The following CLCA4 variants were observed in gnomAD, a reference collection of about 807,000 sequenced individuals.
CLCA4 encodes the protein calcium-activated chloride channel regulator 4.
In CLCA4, 69 loss-of-function variants were observed where a neutral mutation model predicts 78.9. The observed-to-expected ratio is 0.87, with a 90% CI of 0.72 to 1.07. The LOEUF (loss-of-function observed/expected upper bound fraction) is 1.07. CLCA4 is among the 50% of genes least tolerant of loss of function. CLCA4 has a pLI of 0.00. For missense variants in CLCA4, 1,133 were observed against 1,095.8 expected (o/e 1.03, Z -0.48); for synonymous variants, 362 against 375.8 (o/e 0.96, Z 0.42).
chr1:86,547,188 C>A lies in CLCA4; in HGVS notation c.69C>A (p.Phe23Leu). ...LCLLHQSNTS[F>L]IKLNNNGFED... ...TGCTGCACCAGTCAAATACTTCCTT[C>A]ATTAAGCTGAATAATAATGGCTTTG... is the stretch of plus-strand genomic sequence containing the variant. Residue 23 changes from phenylalanine to leucine, a missense_variant, in exon 1 of 14, where the codon TTC (phenylalanine) becomes TTA (leucine). Physicochemically the swap from Phe to Leu is conservative, Grantham distance 22. Coordinates refer to ENST00000370563, the MANE Select transcript of CLCA4 (RefSeq NM_012128.4). The A allele has an allele frequency of 6.2e-7, 1 of 1,612,012 alleles. No homozygotes were observed. Among genetic ancestry groups the A allele is most frequent in the Non-Finnish European group, 8.5e-7 (1 of 1,179,240 alleles).
At chr1:86,556,602 A>T (rs1279656546) in intron 1 of CLCA4, among the ~76,000 whole-genome samples, 3 of 151,932 alleles carry the variant, frequency 2.0e-5, no homozygotes, top group African/African-American at 7.3e-5. Context: ...TTTTGTTGAG[A>T]ATTTTTGCAT....
rs1445039750 is a variant in CLCA4, at chr1:86,579,937, C to A, written c.2357-5C>A. ...TCTAAACTACATGTAACTTTTTTTT[C>A]TCAGTTCAACGTTATATCATAAGAA... On this transcript the variant is annotated splice_region_variant and splice_polypyrimidine_tract_variant and intron_variant, in intron 13 of 13. Coordinates refer to ENST00000370563, the MANE Select transcript of CLCA4 (RefSeq NM_012128.4). 2.0e-6 allele frequency: 3 copies of A among 1,537,556 alleles called. No homozygotes were observed. Among genetic ancestry groups the A allele is most frequent in the South Asian group, 2.4e-5 (2 of 81,658 alleles).
chr1:86,570,222 T>C (rs1191145561), intron 7 of CLCA4, among the ~76,000 whole-genome samples: 2 of 151,962 alleles, frequency 1.3e-5, no homozygotes, highest in South Asian at 2.1e-4. Context: ...CTTCACTCCA[T>C]GCCAAAGAAA....
rs1412022019 is a variant in CLCA4 at position 86,579,988 on chromosome 1, A to G, written c.2403A>G (p.Arg801=). Residue 801 remains arginine, a synonymous_variant, in exon 14 of 14, where the codon AGA becomes AGG. Transcript: ENST00000370563. ...TAAGTGCAAGTATTCTTGATCTAAG[A>G]GACAGTTTTGATGATGCTCTTCAAG... is the stretch of plus-strand genomic sequence containing the variant. ...IRISASILDL[R]DSFDDALQVN... 1.3e-5 allele frequency: 21 copies of G among 1,605,494 alleles called. No homozygotes were observed. The highest frequency in any genetic ancestry group is 1.3e-5 in the Non-Finnish European group (15 of 1,175,294).
At chr1:86,577,073 T>C (rs569898171) in intron 11 of CLCA4, among the ~76,000 whole-genome samples, 5 of 152,254 alleles carry the variant, frequency 3.3e-5, no homozygotes, top group Admixed American at 1.3e-4. Context: ...ATTGTTCTTT[T>C]GTGTACCTCA....
intron 1 of CLCA4, chr1:86,552,683 C>A (rs1203904101): frequency 6.0e-5 from 63 of 1,048,530 alleles, no homozygotes; most frequent in Non-Finnish European, 8.5e-5. Flanking sequence ...GCAGATGGAG[C>A]TGGGGCACGG....
chr1:86,554,263 T>C (rs913997485), intron 1 of CLCA4, among the ~76,000 whole-genome samples: 1 of 152,184 alleles, frequency 6.6e-6, no homozygotes, highest in Non-Finnish European at 1.5e-5. Flanking sequence ...TCTATTCCTG[T>C]GTTAGTTTGC....
Position 86,565,275 on chromosome 1 carries a change from T to A in CLCA4, c.559T>A (p.Cys187Ser), listed in dbSNP as rs1399414703. 5.7e-6 allele frequency: 9 copies of A among 1,581,746 alleles called. No homozygotes were observed. Among genetic ancestry groups the A allele is most frequent in the Non-Finnish European group, 6.9e-6 (8 of 1,166,908 alleles). ...AKSKKIEATR[C>S]SAGISGRNRV... The stretch of plus-strand genomic sequence containing the variant: ...AGATTAACTGTCATATATTTTCAGG[T>A]GTTCCGCAGGTATCTCTGGTAGAAA... The change falls in exon 5 of 14, where the codon TGT (cysteine) becomes AGT (serine). Residue 187 changes from cysteine (C) to serine (S), a missense_variant and splice_region_variant. Coordinates refer to ENST00000370563, the MANE Select transcript of CLCA4 (RefSeq NM_012128.4).
At position 86,566,882 on chromosome 1, in the gene CLCA4, C is replaced by T. The variant is rs542064891; in HGVS notation, c.955-542C>T. 5.3e-5 allele frequency among the ~76,000 whole-genome samples: 8 copies of T among 152,036 alleles called. No homozygotes were observed. In the South Asian group the frequency reaches 1.7e-3, roughly 32 times the overall value. On this transcript the variant is annotated intron_variant, in intron 6 of 13. Coordinates refer to ENST00000370563, the MANE Select transcript of CLCA4 (RefSeq NM_012128.4). The stretch of plus-strand genomic sequence containing the variant: ...AATTAACCCATTAGTGGAAAGGGGG[C>T]AGTGAGAGGTTAGGAACAGAAGGAG...
intron 1 of CLCA4, among the ~76,000 whole-genome samples, chr1:86,550,102 G>T (rs775205764): frequency 6.6e-6 from 1 of 152,082 alleles, no homozygotes; most frequent in Admixed American, 6.6e-5. Flanking sequence ...GCTGCTTATG[G>T]TTGGACCCTT....
At chr1:86,568,954 T>G (rs1650275010) in intron 7 of CLCA4, among the ~76,000 whole-genome samples, 1 of 152,068 alleles carries the variant, frequency 6.6e-6, no homozygotes, top group Non-Finnish European at 1.5e-5. Context: ...ACATGATTCT[T>G]ATCCTCTCTA....
intron 8 of CLCA4, among the ~76,000 whole-genome samples, 186 bp from the exon 9 acceptor site, chr1:86,572,428 T>C (rs963175032): frequency 1.3e-5 from 2 of 152,094 alleles, no homozygotes; most frequent in Non-Finnish European, 2.9e-5. Flanking sequence ...ATGGTAGCTT[T>C]CATTCCCTAG....
At chr1:86,579,628 G>T (rs766657074) in intron 13 of CLCA4, 41 bp downstream of exon 13, 1 of 1,241,568 alleles carries the variant, frequency 8.1e-7, no homozygotes, top group Non-Finnish European at 1.1e-6. Context: ...TAAGTAAAAG[G>T]TGCTAATTGC....
At chr1:86,562,520 A>C (rs1008811303) in intron 3 of CLCA4, among the ~76,000 whole-genome samples, 1 of 152,144 alleles carries the variant, frequency 6.6e-6, no homozygotes, top group African/African-American at 2.4e-5. Context: ...ATGCTGATGG[A>C]TGTTGTCCAG....
chr1:86,563,865 A>G (rs1313149450), intron 4 of CLCA4, 96 bp downstream of exon 4: 26 of 598,388 alleles, frequency 4.3e-5, no homozygotes, highest in Middle Eastern at 2.7e-4. Context: ...AATGCAGACA[A>G]TATGTCACAA....
chr1:86,556,187 C>A (rs542888877), intron 1 of CLCA4, among the ~76,000 whole-genome samples: 2 of 152,058 alleles, frequency 1.3e-5, no homozygotes, highest in Non-Finnish European at 2.9e-5. Flanking sequence ...ATTTGGATGC[C>A]CTTTATTTAT....
chr1:86,557,044 C>T, intron 1 of CLCA4, among the ~76,000 whole-genome samples: 1 of 151,962 alleles, frequency 6.6e-6, no homozygotes, highest in East Asian at 1.9e-4. Flanking sequence ...ATTAACATTC[C>T]CTTCATTATT....
intron 1 of CLCA4, chr1:86,552,932 G>A: frequency 3.1e-6 from 2 of 654,104 alleles, no homozygotes; most frequent in South Asian, 3.5e-5. Flanking sequence ...CTCTGCGGGT[G>A]CCTCGGCGTC....
chr1:86,577,485 A>G (rs1193651039), intron 11 of CLCA4, among the ~76,000 whole-genome samples: 1 of 152,110 alleles, frequency 6.6e-6, no homozygotes, highest in African/African-American at 2.4e-5. Context: ...ACACAAAGAA[A>G]GGATTTTTCC....
Sources: gnomAD v4.1 joint callset for allele counts (sites outside exome capture counted in the v4.1 genomes callset) on GRCh38, gnomAD v4.1.1 for gene constraint, MANE v1.5 for transcripts, NCBI Gene and HGNC (gene_info 2026-07-23, HGNC 2026-07-21) for gene names.